The following C14orf93 variants were observed in gnomAD, a reference collection of about 807,000 sequenced individuals.
C14orf93 encodes chromosome 14 open reading frame 93, also known as uncharacterized protein C14orf93.
Under a neutral mutation model 44.0 loss-of-function variants are expected in C14orf93, and 23 were observed. That is an observed-to-expected ratio of 0.52 (90% confidence interval 0.38 to 0.74). C14orf93 has a LOEUF of 0.74. Ranked by LOEUF, C14orf93 falls within the 30% of genes least tolerant of loss-of-function variation. The probability of loss-of-function intolerance (pLI) is 0.00; values close to 1 mark genes in which losing one functional copy is unlikely to be tolerated. For synonymous variants in C14orf93, 253 were observed against 265.7 expected, an observed-to-expected ratio of 0.95 and a Z score of 0.46; for missense variants, 579 against 678.9, an observed-to-expected ratio of 0.85 and a Z score of 1.64.
At chr14:22,991,650 A>T (rs1357822275) in intron 3 of C14orf93, among the ~76,000 whole-genome samples, 1 of 148,062 alleles carries the variant, frequency 6.8e-6, no homozygotes, top group Non-Finnish European at 1.5e-5. Flanking sequence ...GGCTCACTGC[A>T]ACCTCCACCT....
In C14orf93 at chr14:22,986,983, A is replaced by G; in HGVS notation, c.*232T>C. 1 of 564,186 alleles carries G rather than the reference A, an allele frequency of 1.8e-6. No homozygotes were observed. 34.9% of individuals were successfully genotyped at this position (564,186 alleles called of 1,614,324 possible). A position where few individuals can be genotyped will look rare whatever the true frequency, so the allele number is the denominator to read the frequency against. ...CTTCTCCGAGATACTGTTTATGCTGAGGAATAAGCATATTCTGGCTTACTG... is the reference window on the plus strand; with the variant it reads ...CTTCTCCGAGATACTGTTTATGCTGGGGAATAAGCATATTCTGGCTTACTG... On this transcript the variant is annotated 3_prime_UTR_variant, in exon 7 of 7. Transcript: ENST00000299088.
Position 22,999,183 on chromosome 14 carries a change from G to T in C14orf93, c.-160C>A. 3 of 1,185,258 alleles carry T rather than the reference G, an allele frequency of 2.5e-6. No individual in the cohort carries two copies. The highest frequency in any genetic ancestry group is 3.5e-6 in the Non-Finnish European group (3 of 868,816). 73.4% of individuals were successfully genotyped at this position (1,185,258 alleles called of 1,614,324 possible). ...TGTGAAAGAAGAGTAAACAAGCCAT[G>T]AAGAAGCACACAGTCCATGGCGGCC... On this transcript the variant is annotated 5_prime_UTR_variant, in exon 2 of 7. Transcript: ENST00000299088.
In C14orf93 at chr14:23,010,142, A is replaced by G. The variant is rs2046802009; in HGVS notation, c.-421T>C. ...TCTTTGTATTCGTGTGTGTGCAAAA[A>G]GGAGGACTCGCGGAGCCCGAGCCGG... is the stretch of plus-strand genomic sequence containing the variant. On this transcript the variant is annotated 5_prime_UTR_variant, in exon 1 of 7. Coordinates refer to ENST00000299088, the MANE Select transcript of C14orf93 (RefSeq NM_021944.4). The G allele has an allele frequency of 6.6e-6, 1 of 152,088 alleles. No homozygotes were observed. Among genetic ancestry groups the G allele is most frequent in the Non-Finnish European group, 1.5e-5 (1 of 67,986 alleles). 9.4% of individuals were successfully genotyped at this position (152,088 alleles called of 1,614,324 possible). A position where few individuals can be genotyped will look rare whatever the true frequency, so the allele number is the denominator to read the frequency against.
chr14:22,995,662 A>G (rs2045925469), intron 3 of C14orf93, among the ~76,000 whole-genome samples: 1 of 142,404 alleles, frequency 7.0e-6, no homozygotes, highest in Admixed American at 7.1e-5. Flanking sequence ...CCTGGGTGAC[A>G]GAGTGAGACT....
rs2046142998 is a variant in C14orf93, at chr14:22,998,753, T to G, written c.271A>C (p.Lys91Gln). Reference sequence around the variant, plus strand: ...TCACCCACTTCCTCCTGGAGACGTTTTAACAACTCATTGTTGGCCCTGGCA... The same window carrying G: ...TCACCCACTTCCTCCTGGAGACGTTGTAACAACTCATTGTTGGCCCTGGCA... The part of the protein sequence containing the change: ...GLARANNELL[K>Q]RLQEEVGDLR... The change falls in exon 2 of 7, where the codon AAA (lysine) becomes CAA (glutamine). Residue 91 changes from lysine to glutamine, a missense_variant. Lys to Gln is a moderately conservative substitution (Grantham distance 53). Coordinates refer to ENST00000299088, the MANE Select transcript of C14orf93 (RefSeq NM_021944.4). The G allele has an allele frequency of 5.0e-6, 8 of 1,614,130 alleles. No homozygotes were observed. In the East Asian group the frequency reaches 1.6e-4, roughly 31 times the overall value.
At chr14:23,001,664 G>A (rs1162959909) in intron 1 of C14orf93, among the ~76,000 whole-genome samples, 1 of 151,166 alleles carries the variant, frequency 6.6e-6, no homozygotes, top group Non-Finnish European at 1.5e-5. Context: ...AGGGTTTCGC[G>A]CTGTTGGCCA....
chr14:22,998,091 G>A (rs1304370343), intron 2 of C14orf93: 13 of 264,980 alleles, frequency 4.9e-5, no homozygotes, highest in Non-Finnish European at 7.8e-5. Context: ...TGAATGAGCC[G>A]TCTGTGCACG....
intron 1 of C14orf93, among the ~76,000 whole-genome samples, chr14:23,002,319 A>T (rs1199437382): frequency 6.6e-6 from 1 of 150,554 alleles, no homozygotes; most frequent in African/African-American, 2.5e-5. Context: ...AGGCATGGTG[A>T]TACTTGTCTG....
chr14:23,007,832 G>C (rs1425278972), intron 1 of C14orf93, among the ~76,000 whole-genome samples: 2 of 152,078 alleles, frequency 1.3e-5, no homozygotes, highest in Non-Finnish European at 2.9e-5. Context: ...GTGGAAAAGA[G>C]CTAAAAAGGG....
At position 22,996,300 on chromosome 14, in the gene C14orf93, C is replaced by T; in HGVS notation, c.598-32G>A. 6.6e-7 allele frequency: 1 copy of T among 1,517,216 alleles called. No individual in the cohort carries two copies. The highest frequency in any genetic ancestry group is 1.3e-5 in the South Asian group (1 of 76,082). The allele number at this position is 1,517,216 out of a possible 1,614,324, so 94.0% of individuals were successfully genotyped here. ...ACATAAAAAATAATAGCCTATTAGC[C>T]AGCCAGGCTTAGGGGAACCTGGTTA... On this transcript the variant is annotated intron_variant, in intron 2 of 6. Coordinates refer to ENST00000299088, the MANE Select transcript of C14orf93 (RefSeq NM_021944.4). This position sits in a 1 kb window ranked among gnomAD's most constrained non-coding sequence, Gnocchi z 4.1.
chr14:23,000,517 A>C (rs1594656772), intron 1 of C14orf93, among the ~76,000 whole-genome samples: 1 of 152,056 alleles, frequency 6.6e-6, no homozygotes, highest in Non-Finnish European at 1.5e-5. Context: ...GGAGTTTGAG[A>C]CCAGCCTGAC....
rs373069056 is a variant in C14orf93, at chr14:23,005,137, GA to G, written c.-380+4963del. On this transcript the variant is annotated intron_variant, in intron 1 of 6. Coordinates refer to ENST00000299088, the MANE Select transcript of C14orf93 (RefSeq NM_021944.4). ...GATAGGGTAGTAAGACATTCTAGAG[GA>G]AAAAAAAAAAATTACAGGACTTAAC... 1,163 of 144,782 alleles carry G rather than the reference GA, an allele frequency of 8.0e-3. 19 individuals carry two copies. Among genetic ancestry groups the G allele is most frequent in the African/African-American group, 0.025 (1,007 of 39,626 alleles). 9.0% of individuals were successfully genotyped at this position (144,782 alleles called of 1,614,324 possible).
chr14:22,990,440 A>T (rs187149601), intron 3 of C14orf93, among the ~76,000 whole-genome samples: 3 of 152,156 alleles, frequency 2.0e-5, no homozygotes, highest in African/African-American at 7.2e-5. Flanking sequence ...CACCAGGAGT[A>T]CTGCGAGTGA....
chr14:23,007,367 C>G (rs919106697), intron 1 of C14orf93, among the ~76,000 whole-genome samples: 1 of 152,352 alleles, frequency 6.6e-6, no homozygotes, highest in East Asian at 1.9e-4. Flanking sequence ...TTTTTGTTTA[C>G]TTGCTTTTGT....
intron 3 of C14orf93, among the ~76,000 whole-genome samples, chr14:22,994,855 G>A (rs116019122): frequency 0.011 from 1,616 of 152,162 alleles, 9 homozygotes; most frequent in Middle Eastern, 0.058. Context: ...TTTGTTATGG[G>A]GGCTGTCGTG....
intron 1 of C14orf93, chr14:23,006,556 T>C (rs1389435927): frequency 6.6e-6 from 1 of 152,248 alleles, no homozygotes; most frequent in Non-Finnish European, 1.5e-5. Context: ...AGATTAATAT[T>C]TCCGATTTCA....
At chr14:23,000,880 G>T (rs890298727) in intron 1 of C14orf93, 1 of 152,122 alleles carries the variant, frequency 6.6e-6, no homozygotes, top group Non-Finnish European at 1.5e-5. Context: ...ATTACATGTG[G>T]TTATTAAAGA....
Position 22,996,895 on chromosome 14 carries a change from G to A in C14orf93, c.598-627C>T, listed in dbSNP as rs1403732254. Among the ~76,000 whole-genome samples, 4 of 151,942 alleles carry A rather than the reference G, an allele frequency of 2.6e-5. No individual in the cohort carries two copies. Reference sequence around the variant, plus strand: ...CATACAGAGCCGGGAAAGGAAGAAGGGAGCAAGGGAGAGAGGGAGGAAGAA... The same window carrying A: ...CATACAGAGCCGGGAAAGGAAGAAGAGAGCAAGGGAGAGAGGGAGGAAGAA... On this transcript the variant is annotated intron_variant, in intron 2 of 6. Transcript: ENST00000299088. The surrounding 1 kb of genome is among the most constrained non-coding windows in gnomAD (Gnocchi z 4.1).
At chr14:23,001,585 C>T (rs1293149681) in intron 1 of C14orf93, among the ~76,000 whole-genome samples, 1 of 152,126 alleles carries the variant, frequency 6.6e-6, no homozygotes, top group African/African-American at 2.4e-5. Flanking sequence ...CTGCCTCAGC[C>T]TCCCAAGTAG....
Sources: gnomAD v4.1 joint callset for allele counts (sites outside exome capture counted in the v4.1 genomes callset) on GRCh38, gnomAD v4.1.1 for gene constraint, Gnocchi (gnomAD v3.1) non-coding constraint, MANE v1.5 for transcripts, NCBI Gene and HGNC (gene_info 2026-07-23, HGNC 2026-07-21) for gene names.